Variants in TNC observed in about 807,000 individuals in gnomAD.
TNC encodes tenascin.
A neutral mutation model predicts 202.4 loss-of-function variants in TNC; 109 were observed. That is an observed-to-expected ratio of 0.54 (90% CI 0.46 to 0.63). The LOEUF (loss-of-function observed/expected upper bound fraction) is 0.63. TNC is among the 30% of genes least tolerant of loss of function. The probability of loss-of-function intolerance (pLI) is 0.00; values close to 1 mark genes in which losing one functional copy is unlikely to be tolerated. For missense variants in TNC, 2,756 were observed against 2,833.3 expected (o/e 0.97, Z 0.62); for synonymous variants, 1,007 against 1,089.7 (o/e 0.92, Z 1.50).
At chr9:115,046,001 AATG>A (rs1831163021) in intron 17 of TNC, among the ~76,000 whole-genome samples, 2 of 152,152 alleles carry the variant, frequency 1.3e-5, no homozygotes, top group South Asian at 4.1e-4. Flanking sequence ...CTCTGGATAA[AATG>A]ATGAGATATG....
At chr9:115,046,784 C>A (rs998888175) in intron 16 of TNC, 102 bp from the exon 17 acceptor site, 5 of 1,362,084 alleles carry the variant, frequency 3.7e-6, no homozygotes, top group East Asian at 2.3e-5. Context: ...AGTGATGCCC[C>A]GGCTTTCAGA....
chr9:115,057,188 A>G lies in TNC; in HGVS notation c.4544T>C (p.Ile1515Thr). 1 of 1,613,886 alleles carries G rather than the reference A, an allele frequency of 6.2e-7. No individual in the cohort carries two copies. Among genetic ancestry groups the G allele is most frequent in the East Asian group, 2.2e-5 (1 of 44,882 alleles). Reference sequence around the variant, plus strand: ...TGTGGCACTGATGGTTTTGGTCCGGATGCTGGGAGCAAGTCCAGAGAGGTA... The same window carrying G: ...TGTGGCACTGATGGTTTTGGTCCGGGTGCTGGGAGCAAGTCCAGAGAGGTA... ...IVYLSGLAPS[I>T]RTKTISATAT... Residue 1515 changes from isoleucine (I) to threonine (T), a missense_variant, in exon 15 of 28, where the codon ATC becomes ACC. By Grantham distance (89) the Ile-to-Thr change is moderately conservative. Around this residue, in one of 2 missense-constraint regions of TNC, gnomAD observed 2,559 missense variants for 2,546.0 expected, o/e 1.01. Transcript: ENST00000350763.
chr9:115,036,574 C>T (rs1830351701), intron 20 of TNC, among the ~76,000 whole-genome samples: 1 of 152,120 alleles, frequency 6.6e-6, no homozygotes, highest in Non-Finnish European at 1.5e-5. Flanking sequence ...GAGGGGACAT[C>T]CCCAAGCCTG....
intron 1 of TNC, among the ~76,000 whole-genome samples, chr9:115,112,953 T>C (rs1837195494): frequency 6.6e-6 from 1 of 152,242 alleles, no homozygotes; most frequent in African/African-American, 2.4e-5. Flanking sequence ...TATGTGTGTC[T>C]ATGCTTCAGG....
chr9:115,066,711 C>G (rs1263547456), intron 10 of TNC, among the ~76,000 whole-genome samples: 1 of 152,174 alleles, frequency 6.6e-6, no homozygotes, highest in Non-Finnish European at 1.5e-5. Flanking sequence ...TACTTTTTTA[C>G]ATGGTCGGGA....
intron 4 of TNC, among the ~76,000 whole-genome samples, chr9:115,083,342 A>G (rs144067514): frequency 7.9e-5 from 12 of 152,300 alleles, no homozygotes; most frequent in African/African-American, 2.6e-4. Flanking sequence ...ATATGAAGGT[A>G]ATTATACTGA....
chr9:115,105,027 T>C (rs1836507287), intron 1 of TNC, among the ~76,000 whole-genome samples: 1 of 152,214 alleles, frequency 6.6e-6, no homozygotes, highest in African/African-American at 2.4e-5. Flanking sequence ...AATGTGCTAA[T>C]ATTCAAATGA....
chr9:115,091,036 C>T lies in TNC; in HGVS notation c.-18G>A, dbSNP rs754984204. 1.5e-5 allele frequency: 24 copies of T among 1,598,000 alleles called. No homozygotes were observed. In the Admixed American group the frequency reaches 2.7e-4, roughly 18 times the overall value. On this transcript the variant is annotated 5_prime_UTR_variant, in exon 2 of 28. Transcript: ENST00000350763. ...GCCCCCATGGTGGAGGTGGGTTTGG[C>T]TGGGTGCTGCTGGGGCTCTAGGGCT...
At chr9:115,022,499 G>T (rs553729705) in intron 27 of TNC, among the ~76,000 whole-genome samples, 2 of 152,288 alleles carry the variant, frequency 1.3e-5, no homozygotes, top group South Asian at 4.1e-4. Context: ...TCCTTTCCAT[G>T]TCATCTCTTT....
At chr9:115,084,564 A>G in intron 3 of TNC, 92 bp from the exon 4 acceptor site, 1 of 1,466,056 alleles carries the variant, frequency 6.8e-7, no homozygotes, top group East Asian at 2.3e-5. Context: ...ACTGTCAGCC[A>G]CAGAGGTCTG....
At chr9:115,088,269 G>GT (rs897833442) in intron 2 of TNC, among the ~76,000 whole-genome samples, 9 of 152,162 alleles carry the variant, frequency 5.9e-5, no homozygotes, top group Non-Finnish European at 4.4e-5. Flanking sequence ...ATTTTCCAAA[G>GT]TTTTTTGTGG....
At chr9:115,048,212 A>G (rs1331545514) in intron 16 of TNC, 48 bp downstream of exon 16, 1 of 1,594,956 alleles carries the variant, frequency 6.3e-7, no homozygotes, top group Non-Finnish European at 8.5e-7. Flanking sequence ...CAGATTACAC[A>G]GAAGGGGACC....
At chr9:115,051,018 G>A (rs900180321) in intron 15 of TNC, among the ~76,000 whole-genome samples, 9 of 152,140 alleles carry the variant, frequency 5.9e-5, no homozygotes, top group African/African-American at 1.7e-4. Flanking sequence ...GACCCTGGGA[G>A]AGACCTGGTT....
At position 115,021,225 on chromosome 9, in the gene TNC, G is replaced by A. The variant is rs780500794; in HGVS notation, c.6538C>T (p.Gln2180Ter). 2 of 1,613,630 alleles carry A rather than the reference G, an allele frequency of 1.2e-6. No homozygotes were observed. The highest frequency in any genetic ancestry group is 1.7e-5 in the Admixed American group (1 of 59,952). The change falls in exon 28 of 28, where the codon CAG becomes TAG. Residue 2180 changes from glutamine to a stop codon, truncating the protein, a stop_gained. Transcript: ENST00000350763. LOFTEE classifies it high-confidence loss of function. ...GGTCTCAGCTTCATCTCAGCAAACT[G>A]GATTGAGTGTTCGTGGCCCTTCCAG... The part of the protein sequence containing the change: ...FHWKGHEHSI[Q>*]FAEMKLRPSN...
chr9:115,046,070 G>T (rs1564432434), intron 17 of TNC, among the ~76,000 whole-genome samples: 1 of 149,374 alleles, frequency 6.7e-6, no homozygotes, highest in African/African-American at 2.5e-5. Flanking sequence ...TCTTTGGAAC[G>T]TAAAAAAAAA....
Position 115,086,688 on chromosome 9 carries a change from T to C in TNC, c.1043A>G (p.His348Arg). 1.9e-6 allele frequency: 3 copies of C among 1,614,090 alleles called. No individual in the cohort carries two copies. The highest frequency in any genetic ancestry group is 2.2e-5 in the East Asian group (1 of 44,868). The stretch of plus-strand genomic sequence containing the variant: ...ACACCGGCCCTGGGTGTGGCAGGCA[T>C]GTGGGCAGGTGGGTTTCCCGCAGTC... ...GEDCGKPTCP[H>R]ACHTQGRCEE... Residue 348 changes from histidine to arginine, a missense_variant, in exon 3 of 28, where the codon CAT becomes CGT. This residue lies in a region of TNC where 2,559 missense variants were observed against 2,546.0 expected (regional missense o/e 1.01). Coordinates refer to ENST00000350763, the MANE Select transcript of TNC (RefSeq NM_002160.4).
chr9:115,043,971 C>T lies in TNC; in HGVS notation c.5126-1630G>A, dbSNP rs187949937. 2.0e-5 allele frequency among the ~76,000 whole-genome samples: 3 copies of T among 152,270 alleles called. No individual in the cohort carries two copies. The East Asian group carries it at 5.8e-4, about 29-fold the overall frequency. On this transcript the variant is annotated intron_variant, in intron 17 of 27. Transcript: ENST00000350763. ...TCATGATCTTATGTAAACCTCGTGG[C>T]TGACCTTTGAGTTAAATTCTATTTT...
chr9:115,114,615 C>G (rs1026248484), intron 1 of TNC, among the ~76,000 whole-genome samples: 1 of 152,186 alleles, frequency 6.6e-6, no homozygotes, highest in South Asian at 2.1e-4. Context: ...CAATAGGCAC[C>G]AATGCCAGCT....
At chr9:115,076,177 G>A (rs1833836103) in intron 8 of TNC, 56 bp from the exon 9 acceptor site, 1 of 1,571,876 alleles carries the variant, frequency 6.4e-7, no homozygotes, top group Non-Finnish European at 8.8e-7. Flanking sequence ...GACTTTCAGA[G>A]GATGATAAAA....
Sources: gnomAD v4.1 joint callset for allele counts (sites outside exome capture counted in the v4.1 genomes callset) on GRCh38, gnomAD v4.1.1 for gene constraint, gnomAD v4.1.1 regional missense constraint, MANE v1.5 for transcripts, NCBI Gene and HGNC (gene_info 2026-07-23, HGNC 2026-07-21) for gene names.